Variants in THRB observed in about 807,000 individuals in gnomAD.
THRB encodes the protein nuclear receptor subfamily 1 group A member 2.
THRB carries 12 observed loss-of-function variants against 47.8 expected under a neutral mutation model. The observed-to-expected ratio is 0.25, with a 90% confidence interval of 0.16 to 0.41. The LOEUF (loss-of-function observed/expected upper bound fraction) is 0.41, where lower values mean the gene tolerates loss of function less well. Ranked by LOEUF, THRB falls within the 10% of genes least tolerant of loss-of-function variation. THRB has a pLI of 1.00. For synonymous variants in THRB, 218 were observed against 212.2 expected, an observed-to-expected ratio of 1.03 and a Z score of -0.24; for missense variants, 348 against 589.2, an observed-to-expected ratio of 0.59 and a Z score of 4.24.
chr3:24,120,531 C>T lies in THRB; in HGVS notation c.*2353G>A, dbSNP rs2031495111. 1 of 152,294 alleles carries T rather than the reference C, an allele frequency of 6.6e-6. No individual in the cohort carries two copies. The highest frequency in any genetic ancestry group is 6.5e-5 in the Admixed American group (1 of 15,292). 9.4% of individuals were successfully genotyped at this position (152,294 alleles called of 1,614,324 possible). ...GAAACTTTCCCCAGAAGGCCTGACGCTGCAGGACCCTGCCTGCTTGCCTTC... is the reference window on the plus strand; with the variant it reads ...GAAACTTTCCCCAGAAGGCCTGACGTTGCAGGACCCTGCCTGCTTGCCTTC... On this transcript the variant is annotated 3_prime_UTR_variant, in exon 11 of 11. Transcript: ENST00000646209.
chr3:24,134,559 A>G (rs570956457), intron 8 of THRB, among the ~76,000 whole-genome samples: 7 of 152,270 alleles, frequency 4.6e-5, no homozygotes, highest in Non-Finnish European at 8.8e-5. Flanking sequence ...CAGGCCTGCG[A>G]TCTGGGTGGC....
At chr3:24,455,563 A>C (rs891227561) in intron 1 of THRB, 3 of 152,232 alleles carry the variant, frequency 2.0e-5, no homozygotes, top group African/African-American at 7.2e-5. Context: ...TGGTATCAAC[A>C]TAATACTTTT....
At chr3:24,380,839 G>A (rs930175766) in intron 1 of THRB, among the ~76,000 whole-genome samples, 1 of 152,110 alleles carries the variant, frequency 6.6e-6, no homozygotes. Context: ...TTTGCTGGCT[G>A]GGCACGGTGG....
chr3:24,174,016 AT>A (rs1220488679), intron 5 of THRB, among the ~76,000 whole-genome samples: 1 of 152,134 alleles, frequency 6.6e-6, no homozygotes, highest in East Asian at 1.9e-4. Context: ...GACTGGCCAC[AT>A]TTTAAAAAAA....
chr3:24,442,622 C>G (rs529099599), intron 1 of THRB, among the ~76,000 whole-genome samples: 8 of 151,752 alleles, frequency 5.3e-5, no homozygotes, highest in Non-Finnish European at 1.0e-4. Flanking sequence ...GTCGGGAGCT[C>G]GAGACCAGCC....
intron 1 of THRB, among the ~76,000 whole-genome samples, chr3:24,441,040 T>C (rs2071477364): frequency 6.6e-6 from 1 of 152,170 alleles, no homozygotes; most frequent in African/African-American, 2.4e-5. Context: ...TCTCCTAACC[T>C]CACTGGTTGT....
intron 1 of THRB, among the ~76,000 whole-genome samples, chr3:24,454,678 G>A (rs534322729): frequency 1.3e-5 from 2 of 152,234 alleles, no homozygotes; most frequent in South Asian, 2.1e-4. Context: ...TCCTCATATA[G>A]AATTTATAAT....
intron 1 of THRB, among the ~76,000 whole-genome samples, chr3:24,375,131 A>C (rs1318279492): frequency 1.3e-5 from 2 of 151,786 alleles, no homozygotes; most frequent in Non-Finnish European, 2.9e-5. Context: ...GACGATTTAA[A>C]AAAAGAGAGA....
chr3:24,165,625 T>C (rs1252978425), intron 5 of THRB: 2 of 397,930 alleles, frequency 5.0e-6, no homozygotes, highest in Non-Finnish European at 9.0e-6. Flanking sequence ...AGCAGATTTA[T>C]GACTATCAAA....
At chr3:24,229,815 G>A (rs1278993074) in intron 3 of THRB, among the ~76,000 whole-genome samples, 1 of 152,210 alleles carries the variant, frequency 6.6e-6, no homozygotes, top group African/African-American at 2.4e-5. Context: ...GTGGCCAGTG[G>A]TAGATGGTGG....
intron 3 of THRB, among the ~76,000 whole-genome samples, chr3:24,290,579 C>G (rs1034527659): frequency 3.9e-5 from 6 of 152,178 alleles, no homozygotes; most frequent in African/African-American, 1.4e-4. Context: ...TCTGACAACT[C>G]AATTCAGTTT....
At chr3:24,302,954 C>G (rs1265592178) in intron 2 of THRB, among the ~76,000 whole-genome samples, 1 of 152,150 alleles carries the variant, frequency 6.6e-6, no homozygotes, top group Admixed American at 6.5e-5. Flanking sequence ...AGTCCAACAG[C>G]CTTGTCAAAT....
chr3:24,182,108 G>T (rs1398561996), intron 5 of THRB, among the ~76,000 whole-genome samples: 5 of 152,214 alleles, frequency 3.3e-5, no homozygotes, highest in Admixed American at 2.0e-4. Context: ...GGCTGAGGCA[G>T]GAGAATGGCG....
chr3:24,289,994 A>G (rs2150963491), intron 3 of THRB, among the ~76,000 whole-genome samples: 1 of 152,242 alleles, frequency 6.6e-6, no homozygotes, highest in South Asian at 2.1e-4. Flanking sequence ...CTCTCTTCTG[A>G]TTTTTAACTG....
Position 24,224,984 on chromosome 3 carries a change from A to T in THRB, c.22+3954T>A, listed in dbSNP as rs148438388. On this transcript the variant is annotated intron_variant, in intron 4 of 10. Transcript: ENST00000646209. ...TGCTGTTGATCATGGTTTTATCCAA[A>T]ATAGAGCTCATATATCCATAACACA... Among the ~76,000 whole-genome samples the T allele has an allele frequency of 7.4e-3, 1,129 of 152,330 alleles. 13 individuals carry two copies. The highest frequency in any genetic ancestry group is 0.026 in the African/African-American group (1,061 of 41,566).
chr3:24,268,018 T>A (rs1186006745), intron 3 of THRB, among the ~76,000 whole-genome samples: 5 of 152,196 alleles, frequency 3.3e-5, no homozygotes, highest in African/African-American at 9.7e-5. Flanking sequence ...AAGTTCTCTA[T>A]AAAGGCAATA....
chr3:24,411,267 A>C (rs568155254), intron 1 of THRB, among the ~76,000 whole-genome samples: 21 of 151,962 alleles, frequency 1.4e-4, no homozygotes, highest in African/African-American at 4.8e-4. Flanking sequence ...TCAATATCAA[A>C]AAATATTAGA....
At chr3:24,281,332 A>C (rs948599158) in intron 3 of THRB, among the ~76,000 whole-genome samples, 5 of 151,206 alleles carry the variant, frequency 3.3e-5, no homozygotes, top group African/African-American at 1.2e-4. Context: ...ATATCCAGCC[A>C]AACTAAGCTT....
chr3:24,249,493 A>G (rs2050440302), intron 3 of THRB, among the ~76,000 whole-genome samples: 1 of 152,078 alleles, frequency 6.6e-6, no homozygotes, highest in Non-Finnish European at 1.5e-5. Flanking sequence ...ATCACAAGAA[A>G]ACTTGTTCCT....
Sources: allele counts gnomAD v4.1 joint callset (sites outside exome capture counted in the v4.1 genomes callset), GRCh38; gene constraint gnomAD v4.1.1; transcripts MANE v1.5; gene names NCBI Gene and HGNC (gene_info 2026-07-23, HGNC 2026-07-21).